ADGRL2: variants seen among roughly 807,000 people sequenced by gnomAD.
The protein encoded by ADGRL2 is adhesion G protein-coupled receptor L2.
In ADGRL2, 44 loss-of-function variants were observed where a neutral mutation model predicts 157.4. That is an observed-to-expected ratio of 0.28 (90% CI 0.22 to 0.36). The LOEUF (loss-of-function observed/expected upper bound fraction) is 0.36. Ranked by LOEUF, ADGRL2 falls within the 10% of genes least tolerant of loss-of-function variation. The probability of loss-of-function intolerance (pLI) is 1.00; values close to 1 mark genes in which losing one functional copy is unlikely to be tolerated. For synonymous variants in ADGRL2, 585 were observed against 624.7 expected, an observed-to-expected ratio of 0.94 and a Z score of 0.95; for missense variants, 1,510 against 1,768.9, an observed-to-expected ratio of 0.85 and a Z score of 2.63.
At chr1:81,542,480 A>G (rs2079908925) in intron 2 of ADGRL2, among the ~76,000 whole-genome samples, 2 of 152,232 alleles carry the variant, frequency 1.3e-5, no homozygotes, top group Non-Finnish European at 2.9e-5. Context: ...GCGTGGTTAC[A>G]GCCAATGTGC....
chr1:81,425,597 A>C (rs2077198007), intron 1 of ADGRL2, among the ~76,000 whole-genome samples: 1 of 152,232 alleles, frequency 6.6e-6, no homozygotes, highest in Non-Finnish European at 1.5e-5. Flanking sequence ...TTCAGAAAGC[A>C]AGGGACAAGG....
intron 1 of ADGRL2, among the ~76,000 whole-genome samples, chr1:81,316,439 T>C (rs532729466): frequency 1.1e-3 from 170 of 152,296 alleles, no homozygotes; most frequent in African/African-American, 4.0e-3. Context: ...TTTGCTTTCA[T>C]CTAAAAATAT....
intron 2 of ADGRL2, among the ~76,000 whole-genome samples, chr1:81,446,316 G>A (rs2077596215): frequency 6.6e-6 from 1 of 152,128 alleles, no homozygotes; most frequent in Non-Finnish European, 1.5e-5. Context: ...TAGAGTTTCA[G>A]GAAGCAGAAT....
chr1:81,637,517 T>C (rs2082137433), intron 3 of ADGRL2, among the ~76,000 whole-genome samples: 1 of 152,212 alleles, frequency 6.6e-6, no homozygotes, highest in South Asian at 2.1e-4. Context: ...AAGAAAAGGA[T>C]TTCTAGATTT....
At chr1:81,537,794 G>C (rs2148299942) in intron 2 of ADGRL2, among the ~76,000 whole-genome samples, 1 of 150,872 alleles carries the variant, frequency 6.6e-6, no homozygotes, top group Admixed American at 6.6e-5. Flanking sequence ...CCACCTCCCA[G>C]GTTCAAGTGA....
At chr1:81,533,955 C>T (rs1181958040) in intron 2 of ADGRL2, among the ~76,000 whole-genome samples, 5 of 152,204 alleles carry the variant, frequency 3.3e-5, no homozygotes, top group South Asian at 4.1e-4. Context: ...ACCTGGGCTA[C>T]GTTTAGATCA....
chr1:81,364,514 T>A (rs1570733221), intron 1 of ADGRL2, among the ~76,000 whole-genome samples: 1 of 40,604 alleles, frequency 2.5e-5, no homozygotes, highest in South Asian at 1.5e-3. Flanking sequence ...AAAACAGTTC[T>A]TTTGAATACT....
intron 3 of ADGRL2, among the ~76,000 whole-genome samples, chr1:81,691,975 T>C (rs2083349057): frequency 6.6e-6 from 1 of 150,462 alleles, no homozygotes; most frequent in Non-Finnish European, 1.5e-5. Context: ...GCCATTTTCA[T>C]ATATAGTATA....
At chr1:81,483,383 T>C (rs2078432457) in intron 2 of ADGRL2, among the ~76,000 whole-genome samples, 1 of 152,190 alleles carries the variant, frequency 6.6e-6, no homozygotes, top group Admixed American at 6.5e-5. Context: ...CCTTCGTGCA[T>C]TTAGCAACAT....
chr1:81,366,555 T>G (rs2076070495), intron 1 of ADGRL2, among the ~76,000 whole-genome samples: 1 of 152,178 alleles, frequency 6.6e-6, no homozygotes, highest in South Asian at 2.1e-4. Flanking sequence ...GATCATATAC[T>G]CCTTAATATA....
chr1:81,571,544 T>C (rs2080693383), intron 2 of ADGRL2, among the ~76,000 whole-genome samples: 1 of 151,462 alleles, frequency 6.6e-6, no homozygotes, highest in South Asian at 2.1e-4. Flanking sequence ...TTAAATTTTA[T>C]GTGACAGAAT....
chr1:81,427,542 A>C, intron 1 of ADGRL2: 1 of 748,172 alleles, frequency 1.3e-6, no homozygotes, highest in South Asian at 1.3e-5. Context: ...TTGGTGGAAG[A>C]AGCTCATCCC....
chr1:81,346,975 A>C (rs4558018), intron 1 of ADGRL2, among the ~76,000 whole-genome samples: 1 of 152,200 alleles, frequency 6.6e-6, no homozygotes, highest in African/African-American at 2.4e-5. Context: ...CTGAAGCTAC[A>C]TTAGATATAC....
In ADGRL2 at chr1:81,526,003, G is replaced by A. The variant is rs536431810; in HGVS notation, c.-247-54873G>A. ...ATCCTCATCTTGGTGCACAACCCAT[G>A]ACACCCACTGAGAAGACCAAGATCA... On this transcript the variant is annotated intron_variant, in intron 2 of 24. Transcript: ENST00000370721. Among the ~76,000 whole-genome samples the A allele has an allele frequency of 3.3e-5, 5 of 152,252 alleles. No individual in the cohort carries two copies. The East Asian group carries it at 9.7e-4, about 29-fold the overall frequency.
chr1:81,783,410 G>A (rs536811909), intron 2 of ADGRL2, among the ~76,000 whole-genome samples: 14 of 151,976 alleles, frequency 9.2e-5, no homozygotes, highest in East Asian at 1.9e-4. Context: ...GATTACAGGC[G>A]TGAGCCACTA....
intron 1 of ADGRL2, among the ~76,000 whole-genome samples, chr1:81,424,315 A>G (rs978623261): frequency 6.6e-6 from 1 of 152,244 alleles, no homozygotes; most frequent in African/African-American, 2.4e-5. Context: ...CAGCCGTCAG[A>G]CACAGAGGAA....
At chr1:81,412,484 A>C in intron 1 of ADGRL2, among the ~76,000 whole-genome samples, 1 of 152,212 alleles carries the variant, frequency 6.6e-6, no homozygotes, top group African/African-American at 2.4e-5. Flanking sequence ...CTAACTTAGA[A>C]GCCTTTCTAT....
At chr1:81,349,151 AG>A (rs1557617047) in intron 1 of ADGRL2, among the ~76,000 whole-genome samples, 1 of 152,158 alleles carries the variant, frequency 6.6e-6, no homozygotes, top group East Asian at 1.9e-4. Context: ...CCAAGAGCTA[AG>A]ATTAGGCTTA....
intron 3 of ADGRL2, among the ~76,000 whole-genome samples, chr1:81,639,475 G>A (rs2082175489): frequency 6.7e-6 from 1 of 149,604 alleles, no homozygotes; most frequent in Non-Finnish European, 1.5e-5. Flanking sequence ...AGGTCAAGGT[G>A]GGAGAACTGC....
Sources: gnomAD v4.1 joint callset for allele counts (sites outside exome capture counted in the v4.1 genomes callset) on GRCh38, gnomAD v4.1.1 for gene constraint, MANE v1.5 for transcripts, NCBI Gene and HGNC (gene_info 2026-07-23, HGNC 2026-07-21) for gene names.